Variants in CNIH3 observed in about 807,000 individuals in gnomAD.
CNIH3 encodes cornichon family AMPA receptor auxiliary protein 3.
CNIH3 carries 14 observed loss-of-function variants against 24.1 expected under a neutral mutation model. The observed-to-expected ratio is 0.58, with a 90% CI of 0.38 to 0.91. The LOEUF (loss-of-function observed/expected upper bound fraction) is 0.91, where lower values mean the gene tolerates loss of function less well. Among genes scored for constraint, CNIH3 ranks in the 40% least tolerant of loss-of-function variants. The pLI is 0.00. For missense variants in CNIH3, 178 were observed against 196.8 expected, an observed-to-expected ratio of 0.90 and a Z score of 0.57; for synonymous variants, 68 against 73.8, an observed-to-expected ratio of 0.92 and a Z score of 0.40.
At chr1:224,608,850 G>A (rs1194181027) in intron 3 of CNIH3, among the ~76,000 whole-genome samples, 2 of 152,160 alleles carry the variant, frequency 1.3e-5, no homozygotes, top group Admixed American at 6.5e-5. Context: ...AGTTGTACAC[G>A]TGCTCACTTG....
At chr1:224,724,613 T>A (rs190585548) in intron 3 of CNIH3, among the ~76,000 whole-genome samples, 232 of 152,314 alleles carry the variant, frequency 1.5e-3, no homozygotes, top group African/African-American at 4.9e-3. Context: ...TATCTTTTTC[T>A]CCACACTCTT....
rs1687655392 is a variant in CNIH3, at chr1:224,704,182, A to G, written c.198+19339A>G. Among the ~76,000 whole-genome samples the G allele has an allele frequency of 1.3e-5, 2 of 150,206 alleles. No individual in the cohort carries two copies. The highest frequency in any genetic ancestry group is 3.4e-3 in the Middle Eastern group (1 of 294). On this transcript the variant is annotated intron_variant, in intron 3 of 5. Transcript: ENST00000272133. The surrounding 1 kb of genome is among the most constrained non-coding windows in gnomAD (Gnocchi z 4.2). ...GGTGTGAGCAGGCTGCATCACCTAC[A>G]GAGCAGGACCTCCATGAGTCTCAGG...
At chr1:224,544,305 C>T (rs894827336) in intron 2 of CNIH3, among the ~76,000 whole-genome samples, 4 of 152,188 alleles carry the variant, frequency 2.6e-5, no homozygotes, top group Non-Finnish European at 5.9e-5. Context: ...TCATCTCAAG[C>T]AGTCAGCAGT....
At chr1:224,700,114 TCTC>T (rs1687401996) in intron 3 of CNIH3, among the ~76,000 whole-genome samples, 1 of 152,078 alleles carries the variant, frequency 6.6e-6, no homozygotes, top group African/African-American at 2.4e-5. Flanking sequence ...ATAAGGTAGT[TCTC>T]CTGTCCAGCT....
chr1:224,734,486 C>G, intron 4 of CNIH3, 77 bp from the exon 5 acceptor site: 1 of 1,478,198 alleles, frequency 6.8e-7, no homozygotes, highest in South Asian at 1.2e-5. Flanking sequence ...GACAGAAGCC[C>G]TGCATCGGAA....
chr1:224,438,086 G>A (rs1674744494), intron 1 of CNIH3, among the ~76,000 whole-genome samples: 1 of 151,760 alleles, frequency 6.6e-6, no homozygotes, highest in African/African-American at 2.4e-5. Flanking sequence ...CTAATTTTTT[G>A]TATTATTATT....
At chr1:224,528,114 A>G (rs942430808) in intron 2 of CNIH3, among the ~76,000 whole-genome samples, 1 of 151,984 alleles carries the variant, frequency 6.6e-6, no homozygotes, top group South Asian at 2.1e-4. Flanking sequence ...AATACAAAAA[A>G]TTAGCCAGGT....
chr1:224,726,526 T>C lies in CNIH3; in HGVS notation c.199-3936T>C, dbSNP rs118059724. ...ACCGGTTATCATTAATGTCCTTTAA[T>C]AGGGGCCCTTTGAGGTGGCCTTGTT... On this transcript the variant is annotated intron_variant, in intron 3 of 5. Transcript: ENST00000272133. Among the ~76,000 whole-genome samples the C allele has an allele frequency of 3.7e-3, 559 of 152,314 alleles. 3 individuals are homozygous for C. The highest frequency in any genetic ancestry group is 0.028 in the South Asian group (135 of 4,822).
chr1:224,671,063 T>C (rs1685841791), intron 1 of CNIH3, among the ~76,000 whole-genome samples: 1 of 152,236 alleles, frequency 6.6e-6, no homozygotes, highest in Non-Finnish European at 1.5e-5. Flanking sequence ...CCTTTGGACT[T>C]GAACCATGGC....
intron 1 of CNIH3, among the ~76,000 whole-genome samples, chr1:224,463,468 G>A (rs1481797980): frequency 2.0e-5 from 3 of 151,492 alleles, no homozygotes; most frequent in African/African-American, 7.3e-5. Context: ...GAGTGCAATC[G>A]CACGGTCTCT....
chr1:224,482,795 CA>C (rs1427631335), intron 1 of CNIH3, among the ~76,000 whole-genome samples: 1 of 152,076 alleles, frequency 6.6e-6, no homozygotes, highest in Non-Finnish European at 1.5e-5. Context: ...GCTCTGAGCC[CA>C]GCACAGCACT....
chr1:224,730,938 G>A (rs1689294633), intron 4 of CNIH3, among the ~76,000 whole-genome samples: 1 of 152,140 alleles, frequency 6.6e-6, no homozygotes, highest in African/African-American at 2.4e-5. Context: ...AAAAAGAAAT[G>A]AAGTACTGAT....
At chr1:224,434,730 C>G (rs1022645196) in exon 1 of CNIH3, 6 of 984,644 alleles carry the variant, frequency 6.1e-6, no homozygotes, top group African/African-American at 1.8e-5. Flanking sequence ...GCAGCTGCCG[C>G]CTCTGTCCTC....
intron 3 of CNIH3, among the ~76,000 whole-genome samples, chr1:224,603,310 G>T (rs903800095): frequency 2.0e-5 from 3 of 152,192 alleles, no homozygotes; most frequent in African/African-American, 4.8e-5. Flanking sequence ...ATCAGCTTCT[G>T]CTTAATTTTT....
intron 5 of CNIH3, chr1:224,588,308 T>C (rs1038304938): frequency 6.6e-6 from 1 of 152,202 alleles, no homozygotes; most frequent in Non-Finnish European, 1.5e-5. Flanking sequence ...ATTTTTAAAA[T>C]TTTTCCTCAA....
chr1:224,481,533 G>C (rs182736512), intron 1 of CNIH3, among the ~76,000 whole-genome samples: 5 of 152,238 alleles, frequency 3.3e-5, no homozygotes, highest in Non-Finnish European at 5.9e-5. Flanking sequence ...TTGTGGTCTT[G>C]GATAAAATCT....
At chr1:224,555,035 T>C (rs1403766663) in intron 3 of CNIH3, among the ~76,000 whole-genome samples, 2 of 152,170 alleles carry the variant, frequency 1.3e-5, no homozygotes, top group Non-Finnish European at 2.9e-5. Flanking sequence ...GGTTTTGGTA[T>C]TTGTTGGGGG....
At chr1:224,509,001 G>A (rs1036496799) in intron 1 of CNIH3, among the ~76,000 whole-genome samples, 4 of 152,128 alleles carry the variant, frequency 2.6e-5, no homozygotes, top group African/African-American at 7.2e-5. Flanking sequence ...TGCCTGTATC[G>A]TCTACTCCTG....
chr1:224,617,308 C>T (rs1264659187), intron 1 of CNIH3, 53 bp downstream of exon 1: 2 of 1,578,818 alleles, frequency 1.3e-6, no homozygotes, highest in East Asian at 4.5e-5. Flanking sequence ...GCTAAATTTC[C>T]CCGATTTCAC....
Sources: allele counts gnomAD v4.1 joint callset (sites outside exome capture counted in the v4.1 genomes callset), GRCh38; gene constraint gnomAD v4.1.1; non-coding constraint Gnocchi (gnomAD v3.1); transcripts MANE v1.5; gene names NCBI Gene and HGNC (gene_info 2026-07-23, HGNC 2026-07-21).